APC: variants seen among roughly 807,000 people sequenced by gnomAD.
APC encodes the protein APC regulator of Wnt signaling pathway.
A neutral mutation model predicts 247.0 loss-of-function variants in APC; 72 were observed. That is an observed-to-expected ratio of 0.29 (90% CI 0.24 to 0.35). The LOEUF (loss-of-function observed/expected upper bound fraction) is 0.35, where lower values mean the gene tolerates loss of function less well. Among genes scored for constraint, APC ranks in the 10% least tolerant of loss-of-function variants. APC has a pLI of 1.00. For missense variants in APC, 3,400 were observed against 3,360.7 expected (o/e 1.01, Z -0.29); for synonymous variants, 1,254 against 1,162.5 (o/e 1.08, Z -1.60).
At chr5:112,812,974 G>A (rs913964446) in intron 8 of APC, among the ~76,000 whole-genome samples, 1 of 152,134 alleles carries the variant, frequency 6.6e-6, no homozygotes, top group Non-Finnish European at 1.5e-5. Flanking sequence ...TGTCCTAGAA[G>A]TGTCCCTAGT....
intron 3 of APC, among the ~76,000 whole-genome samples, chr5:112,766,926 A>C (rs1254310469): frequency 6.6e-6 from 1 of 152,204 alleles, no homozygotes; most frequent in African/African-American, 2.4e-5. Flanking sequence ...CAGACAGAGA[A>C]ATTACTTTTG....
At chr5:112,742,027 G>A (rs1423311597) in intron 1 of APC, among the ~76,000 whole-genome samples, 1 of 152,072 alleles carries the variant, frequency 6.6e-6, no homozygotes, top group Non-Finnish European at 1.5e-5. Context: ...ATCTGTCAGT[G>A]GACACTTCAG....
At chr5:112,823,845 G>A (rs1001259070) in intron 11 of APC, among the ~76,000 whole-genome samples, 6 of 152,070 alleles carry the variant, frequency 3.9e-5, no homozygotes, top group African/African-American at 7.3e-5. Flanking sequence ...AGAGGCACTC[G>A]TCAAACTGGA....
rs891930598 is a variant in APC, at chr5:112,845,810, A to G, written c.*1684A>G. ...TCAGAGGGTGACTGATGATACATGC[A>G]TACATATTTGTTGAATAAATGAAAA... On this transcript the variant is annotated 3_prime_UTR_variant, in exon 16 of 16. Transcript: ENST00000257430. The G allele has an allele frequency of 1.2e-4, 27 of 232,118 alleles. No individual in the cohort carries two copies. The highest frequency in any genetic ancestry group is 2.3e-4 in the Non-Finnish European group (27 of 117,456). The allele number at this position is 232,118 out of a possible 1,614,324, so 14.4% of individuals were successfully genotyped here. A position where few individuals can be genotyped will look rare whatever the true frequency, so the allele number is the denominator to read the frequency against.
At chr5:112,789,356 G>A (rs1355632827) in intron 6 of APC, among the ~76,000 whole-genome samples, 1 of 152,252 alleles carries the variant, frequency 6.6e-6, no homozygotes, top group Admixed American at 6.5e-5. Context: ...TTGGGTTTTG[G>A]ATTTTTGTAT....
chr5:112,735,182 AATAT>A (rs1015030689), upstream of APC, among the ~76,000 whole-genome samples: 1 of 151,624 alleles, frequency 6.6e-6, no homozygotes, highest in Non-Finnish European at 1.5e-5. Context: ...GATCAGAAAA[AATAT>A]ATATATCTTT....
intron 8 of APC, among the ~76,000 whole-genome samples, chr5:112,801,994 T>C (rs1281525587): frequency 6.6e-6 from 1 of 152,098 alleles, no homozygotes; most frequent in Non-Finnish European, 1.5e-5. Context: ...CTTATTAGAT[T>C]TTTATTGAAA....
chr5:112,838,679 C>G lies in APC; in HGVS notation c.3085C>G (p.Leu1029Val), dbSNP rs2149884009. The G allele has an allele frequency of 6.2e-7, 1 of 1,614,118 alleles. No individual in the cohort carries two copies. ...GELDTPINYS[L>V]KYSDEQLNSG... Reference sequence around the variant, plus strand: ...ACTAGATACACCAATAAATTATAGTCTTAAATATTCAGATGAGCAGTTGAA... The same window carrying G: ...ACTAGATACACCAATAAATTATAGTGTTAAATATTCAGATGAGCAGTTGAA... The change falls in exon 16 of 16, where the codon CTT (leucine) becomes GTT (valine). Residue 1029 changes from leucine (L) to valine (V), a missense_variant. Leu to Val is a conservative substitution (Grantham distance 32). Around this residue, in one of 9 missense-constraint regions of APC, gnomAD observed 715 missense variants for 656.6 expected, o/e 1.09. Coordinates refer to ENST00000257430, the MANE Select transcript of APC (RefSeq NM_000038.6).
chr5:112,751,758 AT>A (rs1754400946), intron 1 of APC, among the ~76,000 whole-genome samples: 1 of 151,598 alleles, frequency 6.6e-6, no homozygotes, highest in African/African-American at 2.4e-5. Flanking sequence ...TCCCTTTCTA[AT>A]TTTTTTCTAA....
chr5:112,734,065 C>T (rs901759988), upstream of APC, among the ~76,000 whole-genome samples: 3 of 152,182 alleles, frequency 2.0e-5, no homozygotes, highest in Non-Finnish European at 1.5e-5. Flanking sequence ...TGGCTGCTCA[C>T]GTCTGTAATC....
chr5:112,722,995 T>C (rs1751567314), intron 1 of APC, among the ~76,000 whole-genome samples: 1 of 152,180 alleles, frequency 6.6e-6, no homozygotes, highest in Non-Finnish European at 1.5e-5. Context: ...GTAGCATTTC[T>C]TCTTTGATAT....
At chr5:112,762,871 T>C (rs1159234653) in intron 2 of APC, among the ~76,000 whole-genome samples, 3 of 152,208 alleles carry the variant, frequency 2.0e-5, no homozygotes, top group African/African-American at 4.8e-5. Context: ...TATTGTGGAA[T>C]AGCCATAAAC....
At chr5:112,760,672 C>T (rs1448837759) in intron 2 of APC, among the ~76,000 whole-genome samples, 1 of 152,170 alleles carries the variant, frequency 6.6e-6, no homozygotes, top group Non-Finnish European at 1.5e-5. Context: ...GATTTTGATA[C>T]TGTATAGGGT....
chr5:112,835,082 G>A lies in APC; in HGVS notation c.1875G>A (p.Gln625=), dbSNP rs750857896. 1 of 1,614,148 alleles carries A rather than the reference G, an allele frequency of 6.2e-7. No homozygotes were observed. The highest frequency in any genetic ancestry group is 8.5e-7 in the Non-Finnish European group (1 of 1,180,006). The change falls in exon 15 of 16, where the codon CAG becomes CAA. Residue 625 remains glutamine (Q), a synonymous_variant. Transcript: ENST00000257430. ...FLVGTLTYRS[Q]TNTLAIIESG... The stretch of plus-strand genomic sequence containing the variant: ...TTGGCACTCTTACTTACCGGAGCCA[G>A]ACAAACACTTTAGCCATTATTGAAA...
At chr5:112,766,520 C>T (rs1756355719) in intron 3 of APC, 110 bp downstream of exon 3, 1 of 731,764 alleles carries the variant, frequency 1.4e-6, no homozygotes, top group Non-Finnish European at 2.4e-6. Flanking sequence ...TATCAGTTTT[C>T]TTGGTATGTT....
intron 1 of APC, among the ~76,000 whole-genome samples, chr5:112,721,871 A>G (rs1751500654): frequency 6.6e-6 from 1 of 151,634 alleles, no homozygotes; most frequent in Non-Finnish European, 1.5e-5. Flanking sequence ...ATAGCTGATG[A>G]GCTTGAAAAA....
chr5:112,806,522 T>C (rs560707219), intron 8 of APC, among the ~76,000 whole-genome samples: 4 of 152,172 alleles, frequency 2.6e-5, no homozygotes, highest in African/African-American at 7.2e-5. Context: ...TATAACTATG[T>C]GTATAATTTA....
chr5:112,810,500 T>G lies in APC; in HGVS notation c.835-4995T>G, dbSNP rs390092. Among the ~76,000 whole-genome samples the G allele has an allele frequency of 0.39, 59,876 of 152,038 alleles. 14,248 individuals are homozygous for G. The highest frequency in any genetic ancestry group is 0.67 in the East Asian group (3,469 of 5,168). ...GACAAGGGAAACAAAAAGATGGCAG[T>G]TATAGCACGGAGAGTCTAGGTGTAT... On this transcript the variant is annotated intron_variant, in intron 8 of 15. Coordinates refer to ENST00000257430, the MANE Select transcript of APC (RefSeq NM_000038.6).
intron 4 of APC, among the ~76,000 whole-genome samples, chr5:112,770,340 T>A (rs1426005720): frequency 6.6e-6 from 1 of 152,176 alleles, no homozygotes; most frequent in Non-Finnish European, 1.5e-5. Flanking sequence ...TATTATATAA[T>A]ACCACTGTAA....
Sources: allele counts gnomAD v4.1 joint callset (sites outside exome capture counted in the v4.1 genomes callset), GRCh38; gene constraint gnomAD v4.1.1; regional missense constraint gnomAD v4.1.1; transcripts MANE v1.5; gene names NCBI Gene and HGNC (gene_info 2026-07-23, HGNC 2026-07-21).